Variants in FAT3 observed in about 807,000 individuals in gnomAD.
FAT3 encodes the protein protocadherin Fat 3.
In FAT3, 95 loss-of-function variants were observed where a neutral mutation model predicts 310.2. The observed-to-expected ratio is 0.31, with a 90% CI of 0.26 to 0.36. FAT3 has a LOEUF of 0.36. Among genes scored for constraint, FAT3 ranks in the 10% least tolerant of loss-of-function variants. The pLI is 1.00. For missense variants in FAT3, 5,408 were observed against 5,715.6 expected (o/e 0.95, Z 1.74); for synonymous variants, 2,314 against 2,192.9 (o/e 1.06, Z -1.54).
At chr11:92,530,613 T>C (rs1954035042) in intron 3 of FAT3, among the ~76,000 whole-genome samples, 1 of 152,112 alleles carries the variant, frequency 6.6e-6, no homozygotes, top group African/African-American at 2.4e-5. Flanking sequence ...TCACGTAATG[T>C]TTGGATACAC....
intron 7 of FAT3, among the ~76,000 whole-genome samples, chr11:92,783,139 C>G (rs1159212750): frequency 6.6e-6 from 1 of 151,858 alleles, no homozygotes; most frequent in South Asian, 2.1e-4. Context: ...GTGGGGAGAT[C>G]ACGAGGTCAG....
chr11:92,801,905 T>G lies in FAT3; in HGVS notation c.8892T>G (p.Ile2964Met), dbSNP rs1302324549. Residue 2964 changes from isoleucine to methionine, a missense_variant, in exon 10 of 28, where the codon ATT (isoleucine) becomes ATG (methionine). Transcript: ENST00000525166. The part of the protein sequence containing the change: ...SDVNRQVSYH[I>M]TGGNPRGRFA... ...TTAATCGCCAAGTGAGCTACCATAT[T>G]ACAGGTGAGTAAATACCCCCAGTTT... is the stretch of plus-strand genomic sequence containing the variant. 3 of 1,612,172 alleles carry G rather than the reference T, an allele frequency of 1.9e-6. No homozygotes were observed. In the Admixed American group the frequency reaches 5.0e-5, roughly 27 times the overall value.
Position 92,768,814 on chromosome 11 carries a change from T to C in FAT3, c.4195+3725T>C, listed in dbSNP as rs1946387563. On this transcript the variant is annotated intron_variant, in intron 6 of 27. Coordinates refer to ENST00000525166, the MANE Select transcript of FAT3 (RefSeq NM_001367949.2). ...ATGGGCCTTGCCTAGGTAAATACTC[T>C]ATGACTCTTCCAAGGGAGTGAGAAT... is the stretch of plus-strand genomic sequence containing the variant. 1.2e-4 allele frequency among the ~76,000 whole-genome samples: 19 copies of C among 152,310 alleles called. No individual in the cohort carries two copies. The South Asian group carries it at 3.9e-3, about 32-fold the overall frequency.
At position 92,350,247 on chromosome 11, in the gene FAT3, C is replaced by A. The variant is rs560240808; in HGVS notation, c.-17-1849C>A. On this transcript the variant is annotated intron_variant, in intron 1 of 27. Coordinates refer to ENST00000525166, the MANE Select transcript of FAT3 (RefSeq NM_001367949.2). The stretch of plus-strand genomic sequence containing the variant: ...ATAGGAAAATGAGGTTTTATATTAT[C>A]ATTAACAAAAAGGTTATAATAATAT... Among the ~76,000 whole-genome samples, 34 of 151,920 alleles carry A rather than the reference C, an allele frequency of 2.2e-4. No homozygotes were observed. The South Asian group carries it at 7.1e-3, about 32-fold the overall frequency.
chr11:92,383,682 C>A (rs994596741), intron 2 of FAT3, among the ~76,000 whole-genome samples: 9 of 152,196 alleles, frequency 5.9e-5, no homozygotes, highest in African/African-American at 1.9e-4. Context: ...CTTTCTTTGG[C>A]TTGTCATTTG....
At chr11:92,721,025 C>T (rs952822397) in intron 4 of FAT3, among the ~76,000 whole-genome samples, 3 of 152,154 alleles carry the variant, frequency 2.0e-5, no homozygotes, top group Admixed American at 6.5e-5. Context: ...TTATTGCACA[C>T]ATCATCCCAT....
At chr11:92,887,489 C>T (rs2136432197) in intron 25 of FAT3, among the ~76,000 whole-genome samples, 1 of 152,222 alleles carries the variant, frequency 6.6e-6, no homozygotes, top group African/African-American at 2.4e-5. Flanking sequence ...ACTGTACATC[C>T]AACATCCCCG....
At chr11:92,576,883 G>C (rs546491134) in intron 3 of FAT3, among the ~76,000 whole-genome samples, 2 of 130,794 alleles carry the variant, frequency 1.5e-5, no homozygotes, top group South Asian at 5.3e-4. Context: ...AATCACATAA[G>C]AGAGCTAGAT....
chr11:92,824,419 T>A (rs953414234), intron 13 of FAT3, among the ~76,000 whole-genome samples: 2 of 152,150 alleles, frequency 1.3e-5, no homozygotes, highest in African/African-American at 4.8e-5. Context: ...AACTTTATAA[T>A]GAGACCTTGA....
At chr11:92,582,699 T>C (rs922420174) in intron 3 of FAT3, among the ~76,000 whole-genome samples, 13 of 152,052 alleles carry the variant, frequency 8.5e-5, no homozygotes, top group Non-Finnish European at 1.5e-5. Context: ...AGTAAGATGC[T>C]GCATACTGTG....
At chr11:92,659,681 G>C (rs752075122) in intron 3 of FAT3, among the ~76,000 whole-genome samples, 30 of 152,182 alleles carry the variant, frequency 2.0e-4, no homozygotes, top group Non-Finnish European at 3.8e-4. Flanking sequence ...AGACCCTCTA[G>C]AGCATAAAAG....
intron 3 of FAT3, among the ~76,000 whole-genome samples, chr11:92,527,521 T>G (rs1953907947): frequency 1.3e-5 from 2 of 152,332 alleles, no homozygotes; most frequent in East Asian, 3.9e-4. Flanking sequence ...TCATGAAGTC[T>G]GAATGTCATC....
At chr11:92,234,768 G>C (rs1188181675) in intron 1 of FAT3, among the ~76,000 whole-genome samples, 1 of 152,020 alleles carries the variant, frequency 6.6e-6, no homozygotes, top group Non-Finnish European at 1.5e-5. Flanking sequence ...CAGGTGTGGT[G>C]GTGGGTGCCT....
intron 3 of FAT3, among the ~76,000 whole-genome samples, chr11:92,570,417 A>T (rs1955631111): frequency 6.6e-6 from 1 of 152,160 alleles, no homozygotes; most frequent in African/African-American, 2.4e-5. Flanking sequence ...ATCATTAATG[A>T]TGTCACCTTG....
intron 1 of FAT3, among the ~76,000 whole-genome samples, chr11:92,348,112 T>A (rs1185747616): frequency 1.3e-5 from 2 of 151,882 alleles, no homozygotes; most frequent in South Asian, 2.1e-4. Flanking sequence ...CAAGGCTTTT[T>A]AAAATAATTT....
intron 2 of FAT3, among the ~76,000 whole-genome samples, chr11:92,469,233 T>G (rs1308769217): frequency 2.0e-5 from 3 of 152,178 alleles, no homozygotes; most frequent in Non-Finnish European, 4.4e-5. Context: ...TTAATGTTTA[T>G]GAAGACAATT....
intron 1 of FAT3, among the ~76,000 whole-genome samples, chr11:92,343,489 A>G (rs1057186207): frequency 2.0e-5 from 3 of 152,208 alleles, no homozygotes; most frequent in Non-Finnish European, 4.4e-5. Flanking sequence ...GTATTTCAGG[A>G]TATTTTTGAC....
Position 92,866,920 on chromosome 11 carries a change from C to T in FAT3, c.11838C>T (p.Tyr3946=), listed in dbSNP as rs1949262269. 1 of 1,613,984 alleles carries T rather than the reference C, an allele frequency of 6.2e-7. No homozygotes were observed. The highest frequency in any genetic ancestry group is 8.5e-7 in the Non-Finnish European group (1 of 1,179,898). ...TGGAGCGGCGCCGGGCGCCCCTCTA[C>T]TTCCAGACGCTGAGCACTGAGAGTA... ...SYVERRRAPL[Y]FQTLSTESSI... The change falls in exon 22 of 28, where the codon TAC becomes TAT. Residue 3946 remains tyrosine, a synonymous_variant. Coordinates refer to ENST00000525166, the MANE Select transcript of FAT3 (RefSeq NM_001367949.2).
At chr11:92,318,345 C>G (rs1388146208) in intron 1 of FAT3, among the ~76,000 whole-genome samples, 1 of 152,146 alleles carries the variant, frequency 6.6e-6, no homozygotes. Context: ...TTCACGTAGT[C>G]ATTTCAAAGC....
Sources: allele counts gnomAD v4.1 joint callset (sites outside exome capture counted in the v4.1 genomes callset), GRCh38; gene constraint gnomAD v4.1.1; transcripts MANE v1.5; gene names NCBI Gene and HGNC (gene_info 2026-07-23, HGNC 2026-07-21).